The following C6orf136 variants were observed in gnomAD, a reference collection of about 807,000 sequenced individuals.
C6orf136 encodes the protein chromosome 6 open reading frame 136.
In C6orf136, 29 loss-of-function variants were observed where a neutral mutation model predicts 44.0. The ratio of observed to expected loss-of-function variants is 0.66; its 90% confidence interval spans 0.49 to 0.90. The LOEUF (loss-of-function observed/expected upper bound fraction) is 0.90, where lower values mean the gene tolerates loss of function less well. Among genes scored for constraint, C6orf136 ranks in the 40% least tolerant of loss-of-function variants. The pLI, the probability that C6orf136 is intolerant of heterozygous loss-of-function variation, is 0.00. For synonymous variants in C6orf136, 293 were observed against 278.6 expected (o/e 1.05, Z -0.52); for missense variants, 628 against 669.3 (o/e 0.94, Z 0.68).
rs899279402 is a variant in C6orf136 at position 30,647,531 on chromosome 6, G to A, written c.300G>A (p.Ala100=). The stretch of plus-strand genomic sequence containing the variant: ...CGTCGGTCCTCCCAGGTTTGAGGGC[G>A]GTCAGGCGGGGTCAAGGCCAGGCAG... ...ARTSVLPGLR[A]VRRGQGQAAG... The change falls in exon 1 of 6, where the codon GCG becomes GCA. Residue 100 remains alanine, a synonymous_variant. Coordinates refer to ENST00000651131, the MANE Select transcript of C6orf136 (RefSeq NM_001161376.2). The surrounding 1 kb of genome is among the most constrained non-coding windows in gnomAD (Gnocchi z 4.8). The A allele has an allele frequency of 4.6e-6, 7 of 1,519,916 alleles. No homozygotes were observed. The African/African-American group carries it at 5.5e-5, about 12-fold the overall frequency. The allele number at this position is 1,519,916 out of a possible 1,614,324, so 94.2% of individuals were successfully genotyped here.
At chr6:30,651,887 G>T (rs570513486) in intron 4 of C6orf136, among the ~76,000 whole-genome samples, 1 of 152,152 alleles carries the variant, frequency 6.6e-6, no homozygotes, top group South Asian at 2.1e-4. Flanking sequence ...TAGAGACTGG[G>T]TATATTAGAA....
Position 30,649,924 on chromosome 6 carries a change from C to T in C6orf136, c.982C>T (p.His328Tyr). ...GTCAGGAGATCCTAGTATGGAGGAA[C>T]ATCTGTCTGTCATGTATGAGAGACT... is the stretch of plus-strand genomic sequence containing the variant. ...TPSGDPSMEE[H>Y]LSVMYERLRQ... The change falls in exon 2 of 6, where the codon CAT becomes TAT. Residue 328 changes from histidine to tyrosine, a missense_variant. Physicochemically the swap from His to Tyr is moderately conservative, Grantham distance 83. Around this residue, in one of 2 missense-constraint regions of C6orf136, gnomAD observed 497 missense variants for 469.2 expected, o/e 1.06. Transcript: ENST00000651131. 6.2e-7 allele frequency: 1 copy of T among 1,613,842 alleles called. No homozygotes were observed. Among genetic ancestry groups the T allele is most frequent in the Non-Finnish European group, 8.5e-7 (1 of 1,179,950 alleles).
rs569626544 is a variant in C6orf136, at chr6:30,652,687, T to C, written c.1347T>C (p.Ser449=). Residue 449 remains serine, a synonymous_variant, in exon 5 of 6, where the codon AGT becomes AGC. Coordinates refer to ENST00000651131, the MANE Select transcript of C6orf136 (RefSeq NM_001161376.2). ...ACTCCACTTTCTACCTGAATTCCAG[T>C]GGCCTCATTTGTCGCCATCGTCTAG... ...DAYSTFYLNS[S]GLICRHRLDK... is the part of the protein sequence containing the mutation. 8.7e-6 allele frequency: 14 copies of C among 1,613,124 alleles called. No homozygotes were observed. In the South Asian group the frequency reaches 8.8e-5, roughly 10 times the overall value.
rs749910816 is a variant in C6orf136 at position 30,647,661 on chromosome 6, C to T, written c.430C>T (p.Arg144Trp). The T allele has an allele frequency of 2.2e-4, 337 of 1,549,862 alleles. No individual in the cohort carries two copies. The highest frequency in any genetic ancestry group is 1.1e-4 in the Non-Finnish European group (128 of 1,146,614). ...TCGTAGCCCTGCTGCGGCGCCGTCC[C>T]GGAGTTCCCCGGCCCAGACCAGACC... ...EIRSPAAAPS[R>W]SSPAQTRPAG... The change falls in exon 1 of 6, where the codon CGG (arginine) becomes TGG (tryptophan). Residue 144 changes from arginine (R) to tryptophan (W), a missense_variant. Arg to Trp is a moderately radical substitution (Grantham distance 101). Coordinates refer to ENST00000651131, the MANE Select transcript of C6orf136 (RefSeq NM_001161376.2). This position sits in a 1 kb window ranked among gnomAD's most constrained non-coding sequence, Gnocchi z 4.8.
Position 30,649,649 on chromosome 6 carries a change from C to T in C6orf136, c.707C>T (p.Pro236Leu). 6.2e-7 allele frequency: 1 copy of T among 1,606,748 alleles called. No homozygotes were observed. Among genetic ancestry groups the T allele is most frequent in the Non-Finnish European group, 8.5e-7 (1 of 1,177,674 alleles). Residue 236 changes from proline (P) to leucine (L), a missense_variant, in exon 2 of 6, where the codon CCC becomes CTC. Transcript: ENST00000651131. ...CCATCTTCTCCTCTATTCTGGTCTCCCCTGCCCCCACGCCTTCCCACCCAG... is the reference window on the plus strand; with the variant it reads ...CCATCTTCTCCTCTATTCTGGTCTCTCCTGCCCCCACGCCTTCCCACCCAG... ...TSPSSPLFWSPLPPRLPTQRL... is the reference protein window; with the variant it reads ...TSPSSPLFWSLLPPRLPTQRL...
chr6:30,648,111 G>A (rs1767044435), intron 1 of C6orf136, among the ~76,000 whole-genome samples: 1 of 152,164 alleles, frequency 6.6e-6, no homozygotes. Flanking sequence ...ATTTCATATA[G>A]GCCTCATAAC....
chr6:30,652,574 G>A (rs1561959585), intron 4 of C6orf136, 74 bp from the exon 5 acceptor site: 6 of 1,387,448 alleles, frequency 4.3e-6, no homozygotes, highest in South Asian at 3.5e-5. Context: ...GGGACTACTC[G>A]TTTAAACAAA....
In C6orf136 at chr6:30,651,425, CTT is replaced by C; in HGVS notation, c.1270_1271del (p.Leu424AlafsTer6). On this transcript the variant is annotated frameshift_variant, in exon 4 of 6. Coordinates refer to ENST00000651131, the MANE Select transcript of C6orf136 (RefSeq NM_001161376.2). LOFTEE classifies it high-confidence loss of function. ...RLVGLPVHLL[F>X]LRFYKRDKDE... ...TTGTGGGGCTGCCCGTCCACTTGCTCTTTTTGCGGTTCTACAAGCGTGACAAA... is the reference window on the plus strand; with the variant it reads ...TTGTGGGGCTGCCCGTCCACTTGCTCTTTGCGGTTCTACAAGCGTGACAAA... 6.2e-7 allele frequency: 1 copy of C among 1,612,210 alleles called. No individual in the cohort carries two copies. The highest frequency in any genetic ancestry group is 8.5e-7 in the Non-Finnish European group (1 of 1,180,014).
In C6orf136 at chr6:30,647,753, A is replaced by G. The variant is rs1287693171; in HGVS notation, c.522A>G (p.Pro174=). 2 of 1,548,556 alleles carry G rather than the reference A, an allele frequency of 1.3e-6. No individual in the cohort carries two copies. The highest frequency in any genetic ancestry group is 1.2e-5 in the South Asian group (1 of 83,986). Residue 174 remains proline (P), a synonymous_variant, in exon 1 of 6, where the codon CCA becomes CCG. Transcript: ENST00000651131. The surrounding 1 kb of genome is among the most constrained non-coding windows in gnomAD (Gnocchi z 4.8). ...AGCGGTCCTGGCAGGAAGGCCGGCCAGTGTGCACCCGGTTCGGGCCCCTGC... is the reference window on the plus strand; with the variant it reads ...AGCGGTCCTGGCAGGAAGGCCGGCCGGTGTGCACCCGGTTCGGGCCCCTGC... ...LGERSWQEGR[P]VCTRFGPLRP...
rs117649655 is a variant in C6orf136, at chr6:30,649,038, G to T, written c.616-520G>T. 7.8e-3 allele frequency among the ~76,000 whole-genome samples: 1,182 copies of T among 151,306 alleles called. 17 individuals are homozygous for T. The highest frequency in any genetic ancestry group is 0.043 in the East Asian group (216 of 5,048). On this transcript the variant is annotated intron_variant, in intron 1 of 5. Transcript: ENST00000651131. ...GAAAAAAAAGTAAAATGTCTGCTAG[G>T]TTTTGGGAGGTGCCGGTATTTATGT...
intron 4 of C6orf136, 105 bp from the exon 5 acceptor site, chr6:30,652,543 T>C (rs1767532051): frequency 2.0e-6 from 2 of 998,600 alleles, no homozygotes; most frequent in Non-Finnish European, 3.2e-6. Flanking sequence ...GCCCAGGTGA[T>C]CTAATATGTA....
chr6:30,647,840 G>A lies in C6orf136; in HGVS notation c.609G>A (p.Gly203=). The A allele has an allele frequency of 6.7e-7, 1 of 1,489,832 alleles. No individual in the cohort carries two copies. Among genetic ancestry groups the A allele is most frequent in the Non-Finnish European group, 8.9e-7 (1 of 1,120,166 alleles). 92.3% of individuals were successfully genotyped at this position (1,489,832 alleles called of 1,614,324 possible). ...ACGGCGCCTCTAGGACACCATCGGG[G>A]ACCGAGGTACCCGAGCGGTCCGCCC... ...SRDGASRTPS[G]TEDQLYPGTL... The change falls in exon 1 of 6, where the codon GGG becomes GGA. Residue 203 remains glycine (G), a synonymous_variant. Transcript: ENST00000651131. The surrounding 1 kb of genome is among the most constrained non-coding windows in gnomAD (Gnocchi z 4.8).
intron 1 of C6orf136, among the ~76,000 whole-genome samples, chr6:30,648,245 C>T (rs1264384231): frequency 1.3e-5 from 2 of 152,176 alleles, no homozygotes; most frequent in Admixed American, 6.5e-5. Flanking sequence ...ATTCTTTTTT[C>T]TCTGTACATT....
chr6:30,650,911 CA>C (rs367794901), intron 2 of C6orf136, 82 bp from the exon 3 acceptor site: 140,799 of 846,616 alleles, frequency 0.17, 19 homozygotes, highest in South Asian at 0.21. Context: ...GACTCCGTCT[CA>C]AAAAAAAAAA....
rs774539217 is a variant in C6orf136 at position 30,651,288 on chromosome 6, T to G, written c.1129T>G (p.Ser377Ala). The change falls in exon 4 of 6, where the codon TCA becomes GCA. Residue 377 changes from serine (S) to alanine (A), a missense_variant. Physicochemically the swap from Ser to Ala is moderately conservative, Grantham distance 99 (BLOSUM62 1). This residue lies in a region of C6orf136 where 131 missense variants were observed against 200.1 expected (regional missense o/e 0.65). Coordinates refer to ENST00000651131, the MANE Select transcript of C6orf136 (RefSeq NM_001161376.2). ...RTKGRTWYIL[S>A]LTLCRFLAWN... ...CAGGGGCCGGACATGGTACATTCTT[T>G]CACTGACCCTCTGCCGTTTCCTGGC... The G allele has an allele frequency of 1.1e-5, 17 of 1,613,964 alleles. No homozygotes were observed. The highest frequency in any genetic ancestry group is 1.4e-5 in the Non-Finnish European group (16 of 1,180,040).
chr6:30,648,963 G>A (rs1433298862), intron 1 of C6orf136, among the ~76,000 whole-genome samples: 1 of 151,556 alleles, frequency 6.6e-6, no homozygotes, highest in Non-Finnish European at 1.5e-5. Flanking sequence ...ACCCGAGTTC[G>A]CGCCAATGCA....
At position 30,647,811 on chromosome 6, in the gene C6orf136, A is replaced by G. The variant is rs779090449; in HGVS notation, c.580A>G (p.Arg194Gly). ...CTGGCAAGATGGCCACGCCCCCAGC[A>G]GAGACGGCGCCTCTAGGACACCATC... ...PGWQDGHAPS[R>G]DGASRTPSGT... The change falls in exon 1 of 6, where the codon AGA becomes GGA. Residue 194 changes from arginine to glycine, a missense_variant. Transcript: ENST00000651131. The surrounding 1 kb of genome is among the most constrained non-coding windows in gnomAD (Gnocchi z 4.8). 1.0e-4 allele frequency: 157 copies of G among 1,532,246 alleles called. No individual in the cohort carries two copies. The highest frequency in any genetic ancestry group is 1.3e-4 in the Non-Finnish European group (154 of 1,141,278). The allele number at this position is 1,532,246 out of a possible 1,614,324, so 94.9% of individuals were successfully genotyped here. A position where few individuals can be genotyped will look rare whatever the true frequency, so the allele number is the denominator to read the frequency against.
rs1327816448 is a variant in C6orf136, at chr6:30,647,461, T to G, written c.230T>G (p.Val77Gly). ...CTGCAGCGCGTGGACAGGCTAGGGG[T>G]CGCGGGAGCGGGAGGGAGGCGCTGC... is the stretch of plus-strand genomic sequence containing the variant. ...CALQRVDRLG[V>G]AGAGGRRCRA... is the part of the protein sequence containing the mutation. The change falls in exon 1 of 6, where the codon GTC becomes GGC. Residue 77 changes from valine (V) to glycine (G), a missense_variant. Around this residue, in one of 2 missense-constraint regions of C6orf136, gnomAD observed 497 missense variants for 469.2 expected, o/e 1.06. Coordinates refer to ENST00000651131, the MANE Select transcript of C6orf136 (RefSeq NM_001161376.2). This position sits in a 1 kb window ranked among gnomAD's most constrained non-coding sequence, Gnocchi z 4.8. The G allele has an allele frequency of 3.4e-6, 5 of 1,482,516 alleles. No homozygotes were observed. The Admixed American group carries it at 8.9e-5, about 26-fold the overall frequency. 91.8% of individuals were successfully genotyped at this position (1,482,516 alleles called of 1,614,324 possible). A position where few individuals can be genotyped will look rare whatever the true frequency, so the allele number is the denominator to read the frequency against.
chr6:30,650,656 G>GTAATC (rs1767320743), intron 2 of C6orf136, among the ~76,000 whole-genome samples: 11 of 152,092 alleles, frequency 7.2e-5, no homozygotes, highest in Admixed American at 7.2e-4. Context: ...GGTGGTGGGT[G>GTAATC]CCTGTAATCC....
Sources: gnomAD v4.1 joint callset for allele counts (sites outside exome capture counted in the v4.1 genomes callset) on GRCh38, gnomAD v4.1.1 for gene constraint, gnomAD v4.1.1 regional missense constraint, Gnocchi (gnomAD v3.1) non-coding constraint, MANE v1.5 for transcripts, NCBI Gene and HGNC (gene_info 2026-07-23, HGNC 2026-07-21) for gene names.